Variants in PSMG2 observed in about 807,000 individuals in gnomAD.
The protein encoded by PSMG2 is CD40 ligand-activated specific transcript 3.
A neutral mutation model predicts 31.5 loss-of-function variants in PSMG2; 21 were observed. That is an observed-to-expected ratio of 0.67 (90% CI 0.47 to 0.96). The LOEUF is 0.96. PSMG2 is among the 40% of genes least tolerant of loss of function. The pLI is 0.00. For missense variants in PSMG2, 318 were observed against 321.2 expected (o/e 0.99, Z 0.08); for synonymous variants, 120 against 110.4 (o/e 1.09, Z -0.54).
At chr18:12,691,497 GA>G in intron 1 of PSMG2, 2 of 1,569,494 alleles carry the variant, frequency 1.3e-6, no homozygotes, top group Non-Finnish European at 1.7e-6. Context: ...GCTTGAAATT[GA>G]AAAAAATATT....
chr18:12,702,562 GTCTCCCCGCCGCT>G (rs758646330), upstream of PSMG2: 43 of 1,560,064 alleles, frequency 2.8e-5, no homozygotes, highest in Middle Eastern at 5.2e-4. Flanking sequence ...GGCAGCCGGC[GTCTCCCCGCCGCT>G]TCTCCCCGCC....
intron 4 of PSMG2, among the ~76,000 whole-genome samples, chr18:12,718,869 A>T (rs1380495991): frequency 2.0e-5 from 3 of 152,106 alleles, no homozygotes; most frequent in Admixed American, 2.0e-4. Flanking sequence ...GTAGAGAGAG[A>T]GAGTTTGGGA....
rs559820138 is a variant in PSMG2, at chr18:12,677,045, C to A, written c.-37+18272C>A. On this transcript the variant is annotated intron_variant, in intron 1 of 6. Transcript: ENST00000585331. Reference sequence around the variant, plus strand: ...CCCCACAGCTTCAATCTCTTAATGTCTTCTCTTGATGAGCTTAAGTCTTTA... The same window carrying A: ...CCCCACAGCTTCAATCTCTTAATGTATTCTCTTGATGAGCTTAAGTCTTTA... Among the ~76,000 whole-genome samples the A allele has an allele frequency of 3.3e-5, 5 of 152,332 alleles. No individual in the cohort carries two copies. In the East Asian group the frequency reaches 9.6e-4, roughly 29 times the overall value.
At position 12,720,000 on chromosome 18, in the gene PSMG2, A is replaced by C. The variant is rs934634773; in HGVS notation, c.408-510A>C. 3.3e-5 allele frequency among the ~76,000 whole-genome samples: 5 copies of C among 151,954 alleles called. No homozygotes were observed. The East Asian group carries it at 5.8e-4, about 18-fold the overall frequency. ...CCAAAGTGCTGGGATTACAGGCATGAGCCACCACGCCCGGCCCCAAGATGT... is the reference window on the plus strand; with the variant it reads ...CCAAAGTGCTGGGATTACAGGCATGCGCCACCACGCCCGGCCCCAAGATGT... On this transcript the variant is annotated intron_variant, in intron 4 of 6. Coordinates refer to ENST00000317615, the MANE Select transcript of PSMG2 (RefSeq NM_020232.5).
intron 1 of PSMG2, among the ~76,000 whole-genome samples, chr18:12,683,743 C>A (rs1261190325): frequency 6.6e-6 from 1 of 151,342 alleles, no homozygotes; most frequent in Admixed American, 6.6e-5. Context: ...AAGAGGAAAA[C>A]TCTGTCTCAT....
intron 1 of PSMG2, among the ~76,000 whole-genome samples, chr18:12,669,478 T>A (rs1028315576): frequency 2.0e-5 from 3 of 152,022 alleles, no homozygotes; most frequent in Admixed American, 2.0e-4. Flanking sequence ...AAATTTTTAT[T>A]CAATAGGTTC....
chr18:12,712,001 C>G, intron 2 of PSMG2, among the ~76,000 whole-genome samples: 1 of 152,088 alleles, frequency 6.6e-6, no homozygotes, highest in Admixed American at 6.6e-5. Flanking sequence ...TTGTGATCCA[C>G]CTGCCTCAGC....
At chr18:12,700,931 C>T (rs200630604), upstream of PSMG2, 4 of 1,585,222 alleles carry the variant, frequency 2.5e-6, no homozygotes, top group African/African-American at 2.7e-5. Flanking sequence ...TATATACTCT[C>T]ATTTATTTCC....
chr18:12,703,014 C>A (rs1201525746), upstream of PSMG2: 1 of 1,430,076 alleles, frequency 7.0e-7, no homozygotes. Flanking sequence ...CTCCCGCGCC[C>A]CGCGAGGCTC....
chr18:12,695,887 A>ACACACACACAC (rs1568030597), intron 1 of PSMG2, among the ~76,000 whole-genome samples: 15 of 132,724 alleles, frequency 1.1e-4, no homozygotes, highest in African/African-American at 4.0e-4. Context: ...CACACACACT[A>ACACACACACAC]AAAATTAGAA....
intron 1 of PSMG2, among the ~76,000 whole-genome samples, chr18:12,706,179 G>A (rs2040266635): frequency 6.6e-6 from 1 of 152,202 alleles, no homozygotes; most frequent in Admixed American, 6.5e-5. Context: ...ACTTTTTGAA[G>A]TGCTGTGGGC....
intron 2 of PSMG2, among the ~76,000 whole-genome samples, chr18:12,709,195 GCCA>G (rs2040302994): frequency 6.8e-6 from 1 of 147,594 alleles, no homozygotes. Flanking sequence ...ACAGGCACAT[GCCA>G]CCACGCCCGG....
chr18:12,659,877 T>A (rs536214216), intron 1 of PSMG2, among the ~76,000 whole-genome samples: 1 of 152,292 alleles, frequency 6.6e-6, no homozygotes, highest in South Asian at 2.1e-4. Flanking sequence ...TATATACATA[T>A]AAATATATCT....
chr18:12,670,581 G>T (rs2038917741), intron 1 of PSMG2: 1 of 151,956 alleles, frequency 6.6e-6, no homozygotes, highest in African/African-American at 2.4e-5. Flanking sequence ...CTCATAGTTT[G>T]TCTCAAAAGT....
chr18:12,694,641 C>T (rs1301139522), intron 1 of PSMG2, among the ~76,000 whole-genome samples: 2 of 152,048 alleles, frequency 1.3e-5, no homozygotes, highest in Non-Finnish European at 2.9e-5. Context: ...TGCGAAAGAA[C>T]GTTAAAATCC....
chr18:12,699,010 G>C, upstream of PSMG2: 1 of 1,613,104 alleles, frequency 6.2e-7, no homozygotes, highest in South Asian at 1.1e-5. Context: ...CAAGTAAAAA[G>C]CCATCATGAA....
upstream of PSMG2, chr18:12,702,292 G>A: frequency 1.8e-6 from 1 of 549,650 alleles, no homozygotes; most frequent in South Asian, 2.4e-5. Flanking sequence ...GCACCTGCTC[G>A]GCTCGTTTTC....
intron 3 of PSMG2, among the ~76,000 whole-genome samples, chr18:12,714,389 C>T (rs769673990): frequency 6.6e-6 from 1 of 152,144 alleles, no homozygotes; most frequent in Admixed American, 6.5e-5. Flanking sequence ...GCTTCTCTGC[C>T]GAAATTCATT....
At chr18:12,699,873 T>G, upstream of PSMG2, 1 of 1,599,436 alleles carries the variant, frequency 6.3e-7, no homozygotes, top group Non-Finnish European at 8.5e-7. Context: ...TAGGTTGTTT[T>G]GGAGAGGAAG....
Sources: gnomAD v4.1 joint callset for allele counts (sites outside exome capture counted in the v4.1 genomes callset) on GRCh38, gnomAD v4.1.1 for gene constraint, MANE v1.5 for transcripts, NCBI Gene and HGNC (gene_info 2026-07-23, HGNC 2026-07-21) for gene names.